Variants in TMPRSS2 observed in about 807,000 individuals in gnomAD.
TMPRSS2 encodes transmembrane serine protease 2, also known as transmembrane protease serine 2.
In TMPRSS2, 59 loss-of-function variants were observed where a neutral mutation model predicts 67.4. That is an observed-to-expected ratio of 0.88 (90% CI 0.71 to 1.09). TMPRSS2 has a LOEUF of 1.09. Ranked by LOEUF, TMPRSS2 falls within the 50% of genes least tolerant of loss-of-function variation. The pLI, the probability that TMPRSS2 is intolerant of heterozygous loss-of-function variation, is 0.00. For synonymous variants in TMPRSS2, 257 were observed against 257.0 expected, an observed-to-expected ratio of 1.00 and a Z score of 0.00; for missense variants, 668 against 642.7, an observed-to-expected ratio of 1.04 and a Z score of -0.43.
In TMPRSS2 at chr21:41,473,505, G is replaced by A. The variant is rs1228557201; in HGVS notation, c.728-9C>T. 2 of 1,602,672 alleles carry A rather than the reference G, an allele frequency of 1.2e-6. No individual in the cohort carries two copies. Among genetic ancestry groups the A allele is most frequent in the Non-Finnish European group, 1.7e-6 (2 of 1,174,310 alleles). On this transcript the variant is annotated splice_polypyrimidine_tract_variant and intron_variant, in intron 8 of 13. Coordinates refer to ENST00000332149, the MANE Select transcript of TMPRSS2 (RefSeq NM_005656.4). ...CAAGTTGACCCCGCAGGCTGAGGAT[G>A]ACAAACAGGAGGCCAGTGGGGTGAG... is the stretch of plus-strand genomic sequence containing the variant.
intron 8 of TMPRSS2, 49 bp downstream of exon 8, chr21:41,476,528 A>G (rs1358413895): frequency 6.4e-6 from 10 of 1,571,162 alleles, no homozygotes; most frequent in Non-Finnish European, 7.9e-6. Flanking sequence ...GAAAGTAGAG[A>G]GCTTTTCCTA....
chr21:41,494,689 AAT>A (rs746705786), intron 2 of TMPRSS2, 111 bp from the exon 3 acceptor site: 2 of 1,031,274 alleles, frequency 1.9e-6, no homozygotes, highest in Non-Finnish European at 3.0e-6. Context: ...TTAAATTGAT[AAT>A]GTTTTTATTT....
rs1354717982 is a variant in TMPRSS2 at position 41,466,023 on chromosome 21, CT to C, written c.*118del. ...AGAGTGCCAAAGCCAGACAAGTTCA[CT>C]GTTTAATAAAAATGAAGTGACCTCT... On this transcript the variant is annotated 3_prime_UTR_variant, in exon 14 of 14. Transcript: ENST00000332149. 1 of 1,287,630 alleles carries C rather than the reference CT, an allele frequency of 7.8e-7. No homozygotes were observed. The highest frequency in any genetic ancestry group is 2.4e-5 in the East Asian group (1 of 42,272). 79.8% of individuals were successfully genotyped at this position (1,287,630 alleles called of 1,614,324 possible).
In TMPRSS2 at chr21:41,494,471, C is replaced by T. The variant is rs143203874; in HGVS notation, c.123G>A (p.Pro41=). 3.3e-5 allele frequency: 53 copies of T among 1,613,878 alleles called. No homozygotes were observed. Among genetic ancestry groups the T allele is most frequent in the South Asian group, 3.2e-4 (29 of 91,064 alleles). ...GCACGGGGGACGGGTAGTACTGAGCCGGATGCACCTCGTAGACAGTGGGGA... is the reference window on the plus strand; with the variant it reads ...GCACGGGGGACGGGTAGTACTGAGCTGGATGCACCTCGTAGACAGTGGGGA... ...TVVPTVYEVH[P]AQYYPSPVPQ... is the part of the protein sequence containing the mutation. The change falls in exon 3 of 14, where the codon CCG becomes CCA. Residue 41 remains proline, a synonymous_variant. Coordinates refer to ENST00000332149, the MANE Select transcript of TMPRSS2 (RefSeq NM_005656.4).
At chr21:41,503,679 C>A (rs533043037) in intron 1 of TMPRSS2, among the ~76,000 whole-genome samples, 2 of 152,258 alleles carry the variant, frequency 1.3e-5, no homozygotes, top group South Asian at 4.2e-4. Flanking sequence ...CCTGGAGCTA[C>A]CTTAGAATGT....
chr21:41,488,840 G>A (rs766178743), intron 4 of TMPRSS2, among the ~76,000 whole-genome samples: 1 of 152,136 alleles, frequency 6.6e-6, no homozygotes, highest in Non-Finnish European at 1.5e-5. Context: ...GTTTCAACAT[G>A]TTGGCCAGGC....
chr21:41,479,278 T>C lies in TMPRSS2; in HGVS notation c.577A>G (p.Asn193Asp). The C allele has an allele frequency of 6.2e-7, 1 of 1,612,578 alleles. No individual in the cohort carries two copies. The highest frequency in any genetic ancestry group is 8.5e-7 in the Non-Finnish European group (1 of 1,179,190). Residue 193 changes from asparagine to aspartate, a missense_variant, in exon 7 of 14, where the codon AAT becomes GAT. Coordinates refer to ENST00000332149, the MANE Select transcript of TMPRSS2 (RefSeq NM_005656.4). ...AACRDMGYKN[N>D]FYSSQGIVDD... ...ACTATTCCTTGGCTAGAGTAAAAAT[T>C]ATTCCTAAAAAAGAAAACCTTATTT...
rs76314085 is a variant in TMPRSS2 at position 41,493,125 on chromosome 21, A to G, written c.238+1231T>C. On this transcript the variant is annotated intron_variant, in intron 3 of 13. Transcript: ENST00000332149. ...CCCACACTGTCTCCAGACACCGCCA[A>G]TTGTCTCTGGGGGTCCAAATTGTCC... 1.7e-4 allele frequency among the ~76,000 whole-genome samples: 26 copies of G among 152,154 alleles called. No individual in the cohort carries two copies. The East Asian group carries it at 2.7e-3, about 16-fold the overall frequency.
chr21:41,475,533 AAGGGTGAGTGAGGGG>A (rs2091201170), intron 8 of TMPRSS2, among the ~76,000 whole-genome samples: 4 of 29,390 alleles, frequency 1.4e-4, no homozygotes, highest in Admixed American at 3.7e-4. Flanking sequence ...TGAGGGGGTG[AAGGGTGAGTGAGGGG>A]GTGAGGAGGT....
At chr21:41,468,797 G>C (rs2091106027) in intron 11 of TMPRSS2, 2 of 449,218 alleles carry the variant, frequency 4.5e-6, no homozygotes, top group Non-Finnish European at 8.1e-6. Context: ...TGAAACTATA[G>C]GGCTCTATCA....
At chr21:41,477,609 C>T (rs1398429258) in intron 7 of TMPRSS2, among the ~76,000 whole-genome samples, 3 of 152,142 alleles carry the variant, frequency 2.0e-5, no homozygotes, top group Non-Finnish European at 4.4e-5. Flanking sequence ...TTCCTGACAC[C>T]TTCTTACTAA....
intron 12 of TMPRSS2, 52 bp downstream of exon 12, chr21:41,468,344 G>C (rs1323308965): frequency 3.1e-6 from 5 of 1,603,266 alleles, no homozygotes; most frequent in Non-Finnish European, 4.3e-6. Context: ...TCTCATGGGG[G>C]GTTCAGTAGG....
At chr21:41,493,099 A>G (rs2091351234) in intron 3 of TMPRSS2, among the ~76,000 whole-genome samples, 1 of 151,790 alleles carries the variant, frequency 6.6e-6, no homozygotes, top group Admixed American at 6.6e-5. Flanking sequence ...ACTTGTAACC[A>G]CCCACACTGT....
At chr21:41,495,271 A>AT (rs1380029170) in intron 2 of TMPRSS2, among the ~76,000 whole-genome samples, 1 of 152,066 alleles carries the variant, frequency 6.6e-6, no homozygotes, top group Non-Finnish European at 1.5e-5. Flanking sequence ...CTTCATGACA[A>AT]TTTAATACAA....
intron 13 of TMPRSS2, 142 bp from the exon 14 acceptor site, chr21:41,466,295 C>A: frequency 1.2e-6 from 1 of 820,910 alleles, no homozygotes. Flanking sequence ...TTCTTCTCTC[C>A]AACGTGTTGG....
intron 5 of TMPRSS2, among the ~76,000 whole-genome samples, chr21:41,486,264 C>A (rs1275555628): frequency 1.3e-5 from 2 of 152,206 alleles, no homozygotes; most frequent in African/African-American, 4.8e-5. Context: ...CAACGCTGAT[C>A]CACAAGCCTG....
chr21:41,472,829 G>C (rs117333005), intron 9 of TMPRSS2, among the ~76,000 whole-genome samples: 1 of 152,288 alleles, frequency 6.6e-6, no homozygotes, highest in East Asian at 1.9e-4. Context: ...AAGGGGAGGG[G>C]GTGGTAGCGT....
intron 2 of TMPRSS2, 131 bp from the exon 3 acceptor site, chr21:41,494,709 T>C (rs1323093795): frequency 2.2e-6 from 2 of 891,758 alleles, no homozygotes; most frequent in South Asian, 1.4e-5. Context: ...TTTTATTTTG[T>C]GAAATATGCA....
At position 41,467,886 on chromosome 21, in the gene TMPRSS2, C is replaced by T; in HGVS notation, c.1315G>A (p.Gly439Ser). 1.2e-6 allele frequency: 2 copies of T among 1,614,042 alleles called. No individual in the cohort carries two copies. The highest frequency in any genetic ancestry group is 8.5e-7 in the Non-Finnish European group (1 of 1,179,988). Residue 439 changes from glycine (G) to serine (S), a missense_variant and splice_region_variant, in exon 13 of 14, where the codon GGT becomes AGT. By Grantham distance (56) the Gly-to-Ser change is moderately conservative. Transcript: ENST00000332149. ...GTGACCAGAGGCCCTCCACTGTCAC[C>T]CTGTGGGACACAGCAAGGTACAGAG... Reference protein sequence around the residue: ...FLQGNVDSCQGDSGGPLVTSK... With the variant: ...FLQGNVDSCQSDSGGPLVTSK...
Sources: allele counts gnomAD v4.1 joint callset (sites outside exome capture counted in the v4.1 genomes callset), GRCh38; gene constraint gnomAD v4.1.1; transcripts MANE v1.5; gene names NCBI Gene and HGNC (gene_info 2026-07-23, HGNC 2026-07-21).